SUPT3H: variants seen among roughly 807,000 people sequenced by gnomAD.
The protein encoded by SUPT3H is SPT3 homolog, SAGA and STAGA complex component, also known as transcription initiation protein SPT3 homolog.
Under a neutral mutation model 44.3 loss-of-function variants are expected in SUPT3H, and 44 were observed. The observed-to-expected ratio is 0.99, with a 90% confidence interval of 0.78 to 1.28. SUPT3H has a LOEUF of 1.28. Ranked by LOEUF, SUPT3H falls within the 50% of genes most tolerant of loss-of-function variation. The pLI is 0.00. For synonymous variants in SUPT3H, 124 were observed against 125.6 expected, an observed-to-expected ratio of 0.99 and a Z score of 0.09; for missense variants, 380 against 387.1, an observed-to-expected ratio of 0.98 and a Z score of 0.15.
intron 2 of SUPT3H, among the ~76,000 whole-genome samples, chr6:45,222,727 C>T (rs545212675): frequency 4.9e-4 from 74 of 152,174 alleles, no homozygotes; most frequent in Admixed American, 1.3e-3. Context: ...CATGTGTTCA[C>T]GCAAAATTCT....
At chr6:45,283,143 A>G (rs1252164785) in intron 2 of SUPT3H, among the ~76,000 whole-genome samples, 1 of 152,222 alleles carries the variant, frequency 6.6e-6, no homozygotes, top group East Asian at 1.9e-4. Flanking sequence ...GCCAAATTGT[A>G]AAGACCATCG....
chr6:45,338,961 C>T (rs1310507764), intron 2 of SUPT3H, among the ~76,000 whole-genome samples: 2 of 151,926 alleles, frequency 1.3e-5, no homozygotes, highest in Non-Finnish European at 2.9e-5. Context: ...ACTATTTACA[C>T]TCATGTGAGT....
chr6:44,949,345 A>G (rs1330012911), intron 9 of SUPT3H, among the ~76,000 whole-genome samples: 1 of 152,104 alleles, frequency 6.6e-6, no homozygotes, highest in Admixed American at 6.6e-5. Context: ...CATATGTAAC[A>G]AACCTGCAGG....
intron 1 of SUPT3H, among the ~76,000 whole-genome samples, chr6:45,371,200 G>A (rs1796008293): frequency 6.6e-6 from 1 of 152,132 alleles, no homozygotes; most frequent in Admixed American, 6.6e-5. Flanking sequence ...CTCTCTTCCA[G>A]TCTAGAGTCA....
chr6:45,022,940 A>G (rs1004872744), intron 3 of SUPT3H, among the ~76,000 whole-genome samples: 2 of 152,116 alleles, frequency 1.3e-5, no homozygotes, highest in East Asian at 1.9e-4. Flanking sequence ...AAATCTGCAT[A>G]TAAGTGGGAC....
intron 2 of SUPT3H, among the ~76,000 whole-genome samples, chr6:45,214,941 C>T (rs535486446): frequency 8.2e-4 from 125 of 152,260 alleles, no homozygotes; most frequent in African/African-American, 2.9e-3. Context: ...ACCAGCAGAG[C>T]CGCTGTGCCC....
chr6:45,313,800 G>T (rs115582707), intron 2 of SUPT3H, among the ~76,000 whole-genome samples: 1 of 151,788 alleles, frequency 6.6e-6, no homozygotes, highest in African/African-American at 2.4e-5. Context: ...TATGAAGCCA[G>T]CGTCACCCTA....
chr6:45,128,541 T>C (rs865795772), intron 2 of SUPT3H, among the ~76,000 whole-genome samples: 5 of 51,424 alleles, frequency 9.7e-5, no homozygotes, highest in South Asian at 6.4e-4. Flanking sequence ...AAAATATATA[T>C]ATATATATAT....
At chr6:45,074,807 A>C (rs928261453) in intron 3 of SUPT3H, among the ~76,000 whole-genome samples, 2 of 152,088 alleles carry the variant, frequency 1.3e-5, no homozygotes, top group Non-Finnish European at 2.9e-5. Flanking sequence ...TTTTTCTGTT[A>C]ATCTTATGTA....
chr6:44,919,940 G>A (rs545150078), intron 10 of SUPT3H, among the ~76,000 whole-genome samples: 5 of 152,040 alleles, frequency 3.3e-5, no homozygotes, highest in South Asian at 4.2e-4. Flanking sequence ...GTGCAGTGGC[G>A]TGATCTCAGC....
At position 45,215,594 on chromosome 6, in the gene SUPT3H, GA is replaced by G. The variant is rs562742120; in HGVS notation, c.102-109589del. 1.3e-3 allele frequency among the ~76,000 whole-genome samples: 190 copies of G among 150,918 alleles called. 1 individual carries two copies. Among genetic ancestry groups the G allele is most frequent in the Non-Finnish European group, 1.2e-3 (81 of 67,646 alleles). On this transcript the variant is annotated intron_variant, in intron 2 of 10. Transcript: ENST00000371459. ...TAACAATAAACTAGATGAAGCAGAA[GA>G]AAAAAAATCTACATTAGAAGGCAGA... is the stretch of plus-strand genomic sequence containing the variant.
chr6:45,011,377 T>C lies in SUPT3H; in HGVS notation c.364+3424A>G, dbSNP rs534828909. ...CTATTGTCCTGTTCAGATTTTCCAT[T>C]CCTTCTTGATTCAGTTTCAGTGGTC... On this transcript the variant is annotated intron_variant, in intron 5 of 10. Transcript: ENST00000371459. Among the ~76,000 whole-genome samples, 14 of 152,238 alleles carry C rather than the reference T, an allele frequency of 9.2e-5. No homozygotes were observed. The South Asian group carries it at 2.9e-3, about 32-fold the overall frequency.
intron 10 of SUPT3H, among the ~76,000 whole-genome samples, chr6:44,918,264 T>C (rs1026673277): frequency 1.4e-4 from 21 of 152,312 alleles, no homozygotes; most frequent in African/African-American, 5.1e-4. Context: ...AATCCCTATT[T>C]TTCTGACAAA....
chr6:44,931,253 T>G (rs1562071118), intron 10 of SUPT3H, among the ~76,000 whole-genome samples: 1 of 152,232 alleles, frequency 6.6e-6, no homozygotes, highest in Non-Finnish European at 1.5e-5. Context: ...ATCTTTTAAT[T>G]GCTTCTAGAT....
At chr6:45,333,888 T>A (rs553756081) in intron 2 of SUPT3H, among the ~76,000 whole-genome samples, 1 of 151,394 alleles carries the variant, frequency 6.6e-6, no homozygotes, top group East Asian at 1.9e-4. Flanking sequence ...AAGATAAATG[T>A]TTACCTTGAT....
At chr6:45,025,640 T>C (rs540458953) in intron 3 of SUPT3H, among the ~76,000 whole-genome samples, 1 of 152,222 alleles carries the variant, frequency 6.6e-6, no homozygotes, top group East Asian at 1.9e-4. Flanking sequence ...TCCCAGCACT[T>C]TGGGAGGCCG....
intron 2 of SUPT3H, among the ~76,000 whole-genome samples, chr6:45,319,871 T>C (rs1785219602): frequency 6.6e-6 from 1 of 152,170 alleles, no homozygotes; most frequent in African/African-American, 2.4e-5. Flanking sequence ...TAGTGAACTC[T>C]AAAAGAGAGA....
chr6:44,930,865 T>G (rs1770477253), intron 10 of SUPT3H, among the ~76,000 whole-genome samples: 1 of 152,230 alleles, frequency 6.6e-6, no homozygotes, highest in Non-Finnish European at 1.5e-5. Context: ...TTATGTTTAT[T>G]AGATCCAAAT....
intron 2 of SUPT3H, among the ~76,000 whole-genome samples, chr6:45,282,510 A>G (rs1429672306): frequency 6.6e-6 from 1 of 152,222 alleles, no homozygotes. Flanking sequence ...AATGAATGAA[A>G]TGAAGTGAGA....
Sources: allele counts gnomAD v4.1 joint callset (sites outside exome capture counted in the v4.1 genomes callset), GRCh38; gene constraint gnomAD v4.1.1; transcripts MANE v1.5; gene names NCBI Gene and HGNC (gene_info 2026-07-23, HGNC 2026-07-21).